CAMTA1: variants seen among roughly 807,000 people sequenced by gnomAD.
The protein encoded by CAMTA1 is calmodulin binding transcription activator 1, also known as calmodulin-binding transcription activator 1.
In CAMTA1, 27 loss-of-function variants were observed where a neutral mutation model predicts 170.9. The ratio of observed to expected loss-of-function variants is 0.16; its 90% CI spans 0.12 to 0.22. CAMTA1 has a LOEUF of 0.22. Among genes scored for constraint, CAMTA1 ranks in the 10% least tolerant of loss-of-function variants. The pLI is 1.00. For synonymous variants in CAMTA1, 833 were observed against 891.5 expected (o/e 0.93, Z 1.17); for missense variants, 1,619 against 2,217.2 (o/e 0.73, Z 5.42).
In CAMTA1 at chr1:7,745,921, G is replaced by A. The variant is rs371421140; in HGVS notation, c.4447G>A (p.Ala1483Thr). The stretch of plus-strand genomic sequence containing the variant: ...TGTTGGCTCTCCCGTCAGTGAAATC[G>A]CTTTCGAGAAACCTAACCTTCCCTC... ...SPVGSPVSEIAFEKPNLPSAA... is the reference protein window; with the variant it reads ...SPVGSPVSEITFEKPNLPSAA... Residue 1483 changes from alanine (A) to threonine (T), a missense_variant, in exon 18 of 23, where the codon GCT becomes ACT. By Grantham distance (58) the Ala-to-Thr change is moderately conservative. Coordinates refer to ENST00000303635, the MANE Select transcript of CAMTA1 (RefSeq NM_015215.4). 2.0e-5 allele frequency: 33 copies of A among 1,613,978 alleles called. No homozygotes were observed. Among genetic ancestry groups the A allele is most frequent in the South Asian group, 3.3e-5 (3 of 91,074 alleles).
chr1:7,213,229 A>T (rs1351836506), intron 4 of CAMTA1, among the ~76,000 whole-genome samples: 1 of 152,214 alleles, frequency 6.6e-6, no homozygotes, highest in East Asian at 1.9e-4. Flanking sequence ...CCCACCAGCA[A>T]TGTACGGATG....
intron 3 of CAMTA1, among the ~76,000 whole-genome samples, chr1:6,942,398 C>A (rs547117400): frequency 7.3e-4 from 111 of 152,214 alleles, no homozygotes; most frequent in African/African-American, 2.6e-3. Context: ...GTGGCTCATG[C>A]TATAATCCCA....
intron 5 of CAMTA1, among the ~76,000 whole-genome samples, chr1:7,290,768 T>C (rs1286312689): frequency 5.3e-5 from 8 of 152,192 alleles, no homozygotes; most frequent in Admixed American, 4.6e-4. Flanking sequence ...TCGGGGACTC[T>C]CCGACAGATG....
chr1:7,654,235 G>T (rs1005024493), intron 7 of CAMTA1, among the ~76,000 whole-genome samples: 2 of 151,958 alleles, frequency 1.3e-5, no homozygotes, highest in Non-Finnish European at 2.9e-5. Context: ...ACAAAACTTA[G>T]CCAGGCGTGG....
intron 5 of CAMTA1, among the ~76,000 whole-genome samples, chr1:7,417,544 C>T (rs556651636): frequency 0.011 from 1,595 of 150,440 alleles, 29 homozygotes; most frequent in African/African-American, 0.037. Flanking sequence ...TAGCAATCAG[C>T]GAGACTCCAT....
chr1:7,596,059 G>T (rs1184732561), intron 6 of CAMTA1, among the ~76,000 whole-genome samples: 1 of 152,220 alleles, frequency 6.6e-6, no homozygotes, highest in Admixed American at 6.5e-5. Context: ...GTCCCCATCC[G>T]TCTTGCTCCC....
chr1:6,902,242 A>G (rs1045570399), intron 3 of CAMTA1, among the ~76,000 whole-genome samples: 1 of 152,196 alleles, frequency 6.6e-6, no homozygotes, highest in African/African-American at 2.4e-5. Context: ...TACCTAAGAG[A>G]ATATAAAGTT....
At chr1:7,669,605 C>T (rs2096036917) in intron 9 of CAMTA1, among the ~76,000 whole-genome samples, 1 of 152,250 alleles carries the variant, frequency 6.6e-6, no homozygotes, top group Non-Finnish European at 1.5e-5. Flanking sequence ...CCCCCACCTC[C>T]CAGGCTCCAG....
chr1:7,270,229 A>G (rs1669510766), intron 5 of CAMTA1, among the ~76,000 whole-genome samples: 1 of 85,548 alleles, frequency 1.2e-5, no homozygotes, highest in South Asian at 3.6e-4. Flanking sequence ...ATACATATAT[A>G]TACACATATA....
rs560455884 is a variant in CAMTA1, at chr1:7,561,029, G to A, written c.511-79371G>A. Among the ~76,000 whole-genome samples the A allele has an allele frequency of 4.6e-5, 7 of 152,274 alleles. No individual in the cohort carries two copies. The East Asian group carries it at 1.2e-3, about 25-fold the overall frequency. ...GACAGGCTGGGACCTAGAAGCCCTG[G>A]CCCTCTGCGCTCAGGCTCAGGGGGT... On this transcript the variant is annotated intron_variant, in intron 6 of 22. Transcript: ENST00000303635. This position sits in a 1 kb window ranked among gnomAD's most constrained non-coding sequence, Gnocchi z 5.3.
intron 6 of CAMTA1, among the ~76,000 whole-genome samples, chr1:7,571,731 T>C (rs773688029): frequency 3.9e-5 from 6 of 152,204 alleles, no homozygotes; most frequent in Non-Finnish European, 8.8e-5. Flanking sequence ...CTTTATCCAG[T>C]CTATAGTTAG....
At chr1:7,742,812 A>C (rs976809610) in intron 16 of CAMTA1, among the ~76,000 whole-genome samples, 3 of 152,202 alleles carry the variant, frequency 2.0e-5, no homozygotes, top group African/African-American at 7.2e-5. Flanking sequence ...AAGACGGCCA[A>C]TAGAGAAGGT....
Position 7,738,749 on chromosome 1 carries a change from G to C in CAMTA1, c.4182+267G>C, listed in dbSNP as rs770794876. ...GTACCAACTTCTCAGAACTCACTGA[G>C]GACCCTACAGTACGTCATCTGCTTC... On this transcript the variant is annotated intron_variant, in intron 16 of 22. Transcript: ENST00000303635. The surrounding 1 kb of genome is among the most constrained non-coding windows in gnomAD (Gnocchi z 4.9). Among the ~76,000 whole-genome samples, 20 of 152,092 alleles carry C rather than the reference G, an allele frequency of 1.3e-4. No individual in the cohort carries two copies. The highest frequency in any genetic ancestry group is 2.5e-4 in the Non-Finnish European group (17 of 68,020).
intron 3 of CAMTA1, among the ~76,000 whole-genome samples, chr1:6,895,816 C>A (rs1181025941): frequency 1.3e-5 from 2 of 152,116 alleles, no homozygotes; most frequent in Non-Finnish European, 2.9e-5. Flanking sequence ...AGGTGATAGT[C>A]CCCTGTCACT....
intron 1 of CAMTA1, among the ~76,000 whole-genome samples, chr1:6,792,766 G>A (rs933789767): frequency 6.6e-6 from 1 of 151,888 alleles, no homozygotes; most frequent in Non-Finnish European, 1.5e-5. Context: ...TTCAAATTTA[G>A]CCAGGGCTTT....
chr1:7,276,303 A>ATATATATATATTTTTTTTTTTT, intron 5 of CAMTA1, among the ~76,000 whole-genome samples: 1 of 24,230 alleles, frequency 4.1e-5, no homozygotes, highest in African/African-American at 3.0e-4. Flanking sequence ...ATATATATAT[A>ATATATATATATTTTTTTTTTTT]TTTTTTTTTT....
chr1:7,417,975 C>T (rs892040918), intron 5 of CAMTA1, among the ~76,000 whole-genome samples: 2 of 152,156 alleles, frequency 1.3e-5, no homozygotes, highest in Non-Finnish European at 2.9e-5. Context: ...GACCCAGGCC[C>T]TTCCTCCTGT....
chr1:7,173,421 C>A lies in CAMTA1; in HGVS notation c.303-76070C>A, dbSNP rs753882274. On this transcript the variant is annotated intron_variant, in intron 4 of 22. Coordinates refer to ENST00000303635, the MANE Select transcript of CAMTA1 (RefSeq NM_015215.4). This position sits in a 1 kb window ranked among gnomAD's most constrained non-coding sequence, Gnocchi z 5.4. Reference sequence around the variant, plus strand: ...TTTTTTTTTAAGACTGATTTTCACTCTAGTCATCCAGGCTGGAGTATAACA... The same window carrying A: ...TTTTTTTTTAAGACTGATTTTCACTATAGTCATCCAGGCTGGAGTATAACA... Among the ~76,000 whole-genome samples, 1 of 152,072 alleles carries A rather than the reference C, an allele frequency of 6.6e-6. No homozygotes were observed. Among genetic ancestry groups the A allele is most frequent in the Non-Finnish European group, 1.5e-5 (1 of 68,020 alleles).
intron 3 of CAMTA1, chr1:6,834,469 G>T: frequency 4.2e-6 from 1 of 240,268 alleles, no homozygotes; most frequent in South Asian, 6.0e-5. Flanking sequence ...TTTTAGCCTT[G>T]GCACTCCAGT....
Sources: allele counts gnomAD v4.1 joint callset (sites outside exome capture counted in the v4.1 genomes callset), GRCh38; gene constraint gnomAD v4.1.1; non-coding constraint Gnocchi (gnomAD v3.1); transcripts MANE v1.5; gene names NCBI Gene and HGNC (gene_info 2026-07-23, HGNC 2026-07-21).